The following C16orf78 variants were observed in gnomAD, a reference collection of about 807,000 sequenced individuals.
C16orf78 encodes the protein chromosome 16 open reading frame 78.
C16orf78 carries 19 observed loss-of-function variants against 27.3 expected under a neutral mutation model. That is an observed-to-expected ratio of 0.70 (90% confidence interval 0.49 to 1.02). C16orf78 has a LOEUF of 1.02. Ranked by LOEUF, C16orf78 falls within the 50% of genes least tolerant of loss-of-function variation. The pLI is 0.00. For synonymous variants in C16orf78, 130 were observed against 116.1 expected (o/e 1.12, Z -0.77); for missense variants, 339 against 337.0 (o/e 1.01, Z -0.05).
intron 3 of C16orf78, among the ~76,000 whole-genome samples, chr16:49,380,884 T>C (rs1337005350): frequency 6.6e-6 from 1 of 151,040 alleles, no homozygotes; most frequent in East Asian, 1.9e-4. Flanking sequence ...ATTTATTAAA[T>C]AGGGAATCCT....
chr16:49,395,763 C>G (rs1381983583), intron 3 of C16orf78, among the ~76,000 whole-genome samples: 1 of 152,188 alleles, frequency 6.6e-6, no homozygotes, highest in Non-Finnish European at 1.5e-5. Flanking sequence ...CTGATACCTT[C>G]CCTGGGATAT....
chr16:49,394,998 G>C (rs1965454130), intron 3 of C16orf78, among the ~76,000 whole-genome samples: 2 of 152,014 alleles, frequency 1.3e-5, no homozygotes, highest in Admixed American at 1.3e-4. Context: ...CTCCCAAGTA[G>C]CTAGGATGAC....
chr16:49,395,462 AT>A (rs542141702), intron 3 of C16orf78, among the ~76,000 whole-genome samples: 29 of 81,304 alleles, frequency 3.6e-4, no homozygotes, highest in African/African-American at 1.2e-3. Flanking sequence ...TTTTTTTGCG[AT>A]TTTTTTTTTC....
At chr16:49,381,488 T>C (rs1965286791) in intron 3 of C16orf78, among the ~76,000 whole-genome samples, 1 of 152,142 alleles carries the variant, frequency 6.6e-6, no homozygotes, top group African/African-American at 2.4e-5. Context: ...ACCTACAAAA[T>C]GGAAGAAAAT....
intron 3 of C16orf78, among the ~76,000 whole-genome samples, chr16:49,385,935 A>C (rs1411086585): frequency 6.6e-6 from 1 of 152,224 alleles, no homozygotes; most frequent in Non-Finnish European, 1.5e-5. Flanking sequence ...AATGAATTTA[A>C]TAAAAACAAG....
rs954300111 is a variant in C16orf78 at position 49,399,124 on chromosome 16, T to C, written c.651-7T>C. 2.5e-6 allele frequency: 4 copies of C among 1,613,636 alleles called. No individual in the cohort carries two copies. Among genetic ancestry groups the C allele is most frequent in the Admixed American group, 3.3e-5 (2 of 59,996 alleles). ...TCAACTGACCTCTTTTGCCTTCTCT[T>C]GAACAGATACCTGAGGTTATCCAAG... is the stretch of plus-strand genomic sequence containing the variant. On this transcript the variant is annotated splice_polypyrimidine_tract_variant and splice_region_variant and intron_variant, in intron 4 of 4. Transcript: ENST00000299191.
At chr16:49,377,027 G>C (rs765917115) in intron 1 of C16orf78, among the ~76,000 whole-genome samples, 4 of 152,186 alleles carry the variant, frequency 2.6e-5, no homozygotes, top group Non-Finnish European at 5.9e-5. Flanking sequence ...CTTCCTGGGT[G>C]GCCCACCCTT....
chr16:49,387,413 C>G (rs149072337), intron 3 of C16orf78, among the ~76,000 whole-genome samples: 18 of 152,092 alleles, frequency 1.2e-4, no homozygotes, highest in African/African-American at 4.3e-4. Context: ...TCTGTTAACT[C>G]TGTTGATAGT....
chr16:49,390,426 T>C (rs1965398735), intron 3 of C16orf78, among the ~76,000 whole-genome samples: 1 of 152,234 alleles, frequency 6.6e-6, no homozygotes, highest in Non-Finnish European at 1.5e-5. Context: ...TTTCTCTTTG[T>C]GTTTCATCTC....
intron 3 of C16orf78, among the ~76,000 whole-genome samples, chr16:49,385,363 A>G (rs1170650085): frequency 6.6e-6 from 1 of 152,226 alleles, no homozygotes; most frequent in African/African-American, 2.4e-5. Flanking sequence ...AGTTTAAAAT[A>G]GAATGTTATA....
At chr16:49,394,021 T>C (rs1567394638) in intron 3 of C16orf78, among the ~76,000 whole-genome samples, 1 of 152,114 alleles carries the variant, frequency 6.6e-6, no homozygotes, top group African/African-American at 2.4e-5. Flanking sequence ...TGGTACAATA[T>C]AGAGCAGAAA....
chr16:49,378,659 C>T, intron 3 of C16orf78, 66 bp downstream of exon 3: 13 of 1,599,500 alleles, frequency 8.1e-6, no homozygotes, highest in Non-Finnish European at 1.1e-5. Flanking sequence ...CTAGAAGAAA[C>T]CGAAAGCTCA....
intron 3 of C16orf78, among the ~76,000 whole-genome samples, chr16:49,380,284 TC>T (rs1480616806): frequency 6.6e-6 from 1 of 152,092 alleles, no homozygotes; most frequent in Non-Finnish European, 1.5e-5. Flanking sequence ...CTTAATAAAC[TC>T]CCCTTCATAT....
intron 3 of C16orf78, among the ~76,000 whole-genome samples, chr16:49,379,407 C>T (rs954221661): frequency 1.4e-5 from 2 of 147,546 alleles, no homozygotes; most frequent in Non-Finnish European, 2.9e-5. Flanking sequence ...CCAATTAGCC[C>T]AGGAGAAAAG....
At position 49,382,782 on chromosome 16, in the gene C16orf78, C is replaced by T. The variant is rs573455856; in HGVS notation, c.394+4189C>T. On this transcript the variant is annotated intron_variant, in intron 3 of 4. Transcript: ENST00000299191. ...GAGTCCTGGTACTGCTCAGTTCTCCCTCTTCCTATCTCTTTCCTCTTCTCT... is the reference window on the plus strand; with the variant it reads ...GAGTCCTGGTACTGCTCAGTTCTCCTTCTTCCTATCTCTTTCCTCTTCTCT... Among the ~76,000 whole-genome samples the T allele has an allele frequency of 3.3e-5, 5 of 152,272 alleles. No homozygotes were observed. In the East Asian group the frequency reaches 9.7e-4, roughly 29 times the overall value.
At chr16:49,381,892 G>C (rs1005541471) in intron 3 of C16orf78, among the ~76,000 whole-genome samples, 2 of 151,854 alleles carry the variant, frequency 1.3e-5, no homozygotes, top group African/African-American at 4.8e-5. Context: ...AATACCATTT[G>C]ACCCAGCCAT....
At chr16:49,391,910 A>G in intron 3 of C16orf78, among the ~76,000 whole-genome samples, 1 of 152,086 alleles carries the variant, frequency 6.6e-6, no homozygotes, top group East Asian at 1.9e-4. Flanking sequence ...CCACGCACAA[A>G]CAGGGACTGC....
Position 49,375,681 on chromosome 16 carries a change from C to T in C16orf78, c.150+1592C>T, listed in dbSNP as rs567962445. ...AGAGACGCAGATCCAAACCATACCACTTACCATTTATAGTCAGAAAGATCT... is the reference window on the plus strand; with the variant it reads ...AGAGACGCAGATCCAAACCATACCATTTACCATTTATAGTCAGAAAGATCT... On this transcript the variant is annotated intron_variant, in intron 1 of 4. Coordinates refer to ENST00000299191, the MANE Select transcript of C16orf78 (RefSeq NM_144602.4). Among the ~76,000 whole-genome samples, 11 of 152,280 alleles carry T rather than the reference C, an allele frequency of 7.2e-5. No homozygotes were observed. In the South Asian group the frequency reaches 1.9e-3, roughly 26 times the overall value.
At chr16:49,379,764 T>C (rs960561491) in intron 3 of C16orf78, among the ~76,000 whole-genome samples, 1 of 152,244 alleles carries the variant, frequency 6.6e-6, no homozygotes, top group Non-Finnish European at 1.5e-5. Context: ...ACAGGAATCC[T>C]CCTTATTTTC....
Sources: gnomAD v4.1 joint callset for allele counts (sites outside exome capture counted in the v4.1 genomes callset) on GRCh38, gnomAD v4.1.1 for gene constraint, MANE v1.5 for transcripts, NCBI Gene and HGNC (gene_info 2026-07-23, HGNC 2026-07-21) for gene names.